Variants in SACS observed in about 807,000 individuals in gnomAD.
SACS encodes the protein sacsin.
SACS carries 197 observed loss-of-function variants against 348.0 expected under a neutral mutation model. The ratio of observed to expected loss-of-function variants is 0.57; its 90% CI spans 0.50 to 0.64. The LOEUF is 0.64. Ranked by LOEUF, SACS falls within the 30% of genes least tolerant of loss-of-function variation. The pLI, the probability that SACS is intolerant of heterozygous loss-of-function variation, is 0.00. For synonymous variants in SACS, 1,985 were observed against 1,910.6 expected, an observed-to-expected ratio of 1.04 and a Z score of -1.02; for missense variants, 4,999 against 5,360.8, an observed-to-expected ratio of 0.93 and a Z score of 2.11.
Position 23,368,428 on chromosome 13 carries a change from A to G in SACS, c.319T>C (p.Tyr107His). The stretch of plus-strand genomic sequence containing the variant: ...TTAAGAATCTGTCCTCCTTCTGGAT[A>G]TCTTCTCAAAATGTCCTTGAGAAAA... ...VDFLKDILRRYPEGGQILKEL... is the reference protein window; with the variant it reads ...VDFLKDILRRHPEGGQILKEL... Residue 107 changes from tyrosine to histidine, a missense_variant, in exon 5 of 10, where the codon TAT becomes CAT. Tyr to His is a moderately conservative substitution (Grantham distance 83). Transcript: ENST00000382292. 6.2e-7 allele frequency: 1 copy of G among 1,613,014 alleles called. No homozygotes were observed. Among genetic ancestry groups the G allele is most frequent in the Non-Finnish European group, 8.5e-7 (1 of 1,179,428 alleles).
At chr13:23,381,806 A>T (rs1266116032) in intron 2 of SACS, among the ~76,000 whole-genome samples, 1 of 152,220 alleles carries the variant, frequency 6.6e-6, no homozygotes, top group East Asian at 1.9e-4. Flanking sequence ...TCCCATTTCT[A>T]AATATTTGGA....
In SACS at chr13:23,332,724, C is replaced by G. The variant is rs750040557; in HGVS notation, c.11152G>C (p.Glu3718Gln). 7.4e-6 allele frequency: 12 copies of G among 1,614,034 alleles called. No homozygotes were observed. The highest frequency in any genetic ancestry group is 8.5e-6 in the Non-Finnish European group (10 of 1,179,952). Residue 3718 changes from glutamate to glutamine, a missense_variant, in exon 10 of 10, where the codon GAA becomes CAA. Transcript: ENST00000382292. Reference protein sequence around the residue: ...PEKATPLSIKEQEGSDLGPQE... With the variant: ...PEKATPLSIKQQEGSDLGPQE... ...GGACCAAGGTCACTACCTTCTTGTT[C>G]TTTAATGCTTAAGGGTGTAGCTTTC... is the stretch of plus-strand genomic sequence containing the variant.
Position 23,358,319 on chromosome 13 carries a change from A to C in SACS, c.604+16T>G, listed in dbSNP as rs377034809. 2 of 1,612,504 alleles carry C rather than the reference A, an allele frequency of 1.2e-6. No individual in the cohort carries two copies. Among genetic ancestry groups the C allele is most frequent in the African/African-American group, 2.7e-5 (2 of 74,920 alleles). On this transcript the variant is annotated intron_variant, in intron 7 of 9. Transcript: ENST00000382292. ...AATATTTTCTAATACCAAGACCGAA[A>C]AGCCTAATACTCTACCTGTTATATG...
At position 23,371,074 on chromosome 13, in the gene SACS, A is replaced by G. The variant is rs1180995398; in HGVS notation, c.259+4T>C. ...ATATACTTCTGGTAAAGTCAATATT[A>G]TACCTCCCCCTTTTAAGCCTTTTGA... On this transcript the variant is annotated splice_donor_region_variant and intron_variant, in intron 4 of 9. Coordinates refer to ENST00000382292, the MANE Select transcript of SACS (RefSeq NM_014363.6). 6.4e-7 allele frequency: 1 copy of G among 1,572,490 alleles called. No homozygotes were observed. The highest frequency in any genetic ancestry group is 8.7e-7 in the Non-Finnish European group (1 of 1,143,354).
chr13:23,421,448 A>G (rs1873935262), intron 1 of SACS, among the ~76,000 whole-genome samples: 1 of 152,020 alleles, frequency 6.6e-6, no homozygotes, highest in South Asian at 2.1e-4. Context: ...ATCCACCTCA[A>G]GCCTATTGTA....
chr13:23,383,001 T>C (rs572457898), intron 2 of SACS, among the ~76,000 whole-genome samples: 1 of 149,140 alleles, frequency 6.7e-6, no homozygotes, highest in East Asian at 2.0e-4. Context: ...GGTCTCACCA[T>C]GTCGCCCAGG....
intron 2 of SACS, among the ~76,000 whole-genome samples, chr13:23,398,431 G>T (rs1252835332): frequency 3.3e-5 from 5 of 151,244 alleles, no homozygotes; most frequent in African/African-American, 1.2e-4. Context: ...CTACTCGGGG[G>T]GCTGAGGCAG....
At chr13:23,350,739 C>T (rs570248145) in intron 9 of SACS, among the ~76,000 whole-genome samples, 1 of 152,174 alleles carries the variant, frequency 6.6e-6, no homozygotes, top group Non-Finnish European at 1.5e-5. Flanking sequence ...ATGCTCCCTA[C>T]CATATATGAA....
chr13:23,332,239 T>C lies in SACS; in HGVS notation c.11637A>G (p.Arg3879=). 6.2e-7 allele frequency: 1 copy of C among 1,613,960 alleles called. No homozygotes were observed. The highest frequency in any genetic ancestry group is 1.1e-5 in the South Asian group (1 of 91,072). Residue 3879 remains arginine (R), a synonymous_variant, in exon 10 of 10, where the codon AGA becomes AGG. Coordinates refer to ENST00000382292, the MANE Select transcript of SACS (RefSeq NM_014363.6). ...LDPNEMRTVK[R]VVSGLFRSLQ... ...GACTCCTGAACAGACCAGAAACTACTCTCTTAACTGTACGCATTTCATTAG... is the reference window on the plus strand; with the variant it reads ...GACTCCTGAACAGACCAGAAACTACCCTCTTAACTGTACGCATTTCATTAG...
chr13:23,346,092 C>T (rs1393337551), intron 9 of SACS, among the ~76,000 whole-genome samples: 4 of 152,142 alleles, frequency 2.6e-5, no homozygotes, highest in African/African-American at 4.8e-5. Context: ...GGTCGCCTAA[C>T]TTCACAGTCA....
chr13:23,399,822 C>A (rs553065708), intron 2 of SACS, among the ~76,000 whole-genome samples: 11 of 152,028 alleles, frequency 7.2e-5, no homozygotes, highest in Non-Finnish European at 1.5e-4. Flanking sequence ...CCCCCTCCAG[C>A]CAGGAAGATG....
Position 23,336,527 on chromosome 13 carries a change from T to G in SACS, c.7349A>C (p.Lys2450Thr). The part of the protein sequence containing the change: ...KQEFCEKNYG[K>T]ILLPDTNLML... ...AAGATTAGTATCTGGCAATAATATCTTGCCATAATTTTTCTCACAAAATTC... is the reference window on the plus strand; with the variant it reads ...AAGATTAGTATCTGGCAATAATATCGTGCCATAATTTTTCTCACAAAATTC... The change falls in exon 10 of 10, where the codon AAG (lysine) becomes ACG (threonine). Residue 2450 changes from lysine (K) to threonine (T), a missense_variant. Transcript: ENST00000382292. 6.2e-7 allele frequency: 1 copy of G among 1,613,950 alleles called. No homozygotes were observed. Among genetic ancestry groups the G allele is most frequent in the Non-Finnish European group, 8.5e-7 (1 of 1,179,886 alleles).
At chr13:23,375,567 C>G in intron 2 of SACS, 1 of 1,040,736 alleles carries the variant, frequency 9.6e-7, no homozygotes, top group South Asian at 4.6e-5. Context: ...CTGCGCGCTC[C>G]CGGCCCACTC....
At chr13:23,430,579 T>C (rs1305693262) in intron 1 of SACS, among the ~76,000 whole-genome samples, 1 of 152,226 alleles carries the variant, frequency 6.6e-6, no homozygotes, top group Non-Finnish European at 1.5e-5. Flanking sequence ...TAGTACTATG[T>C]GAAAATGTGC....
At chr13:23,423,354 T>C (rs904799388) in intron 1 of SACS, among the ~76,000 whole-genome samples, 5 of 152,174 alleles carry the variant, frequency 3.3e-5, no homozygotes, top group African/African-American at 9.7e-5. Flanking sequence ...AAACACACAT[T>C]TTTTAGAACC....
chr13:23,365,226 A>G lies in SACS; in HGVS notation c.397T>C (p.Tyr133His), dbSNP rs1566086239. 1 of 1,612,834 alleles carries G rather than the reference A, an allele frequency of 6.2e-7. No homozygotes were observed. Among genetic ancestry groups the G allele is most frequent in the East Asian group, 2.2e-5 (1 of 44,828 alleles). Reference protein sequence around the residue: ...DAGATEVKFLYDETQYGTETL... With the variant: ...DAGATEVKFLHDETQYGTETL... ...TCTGTTCCGTATTGAGTTTCATCAT[A>G]TAAAAATTTAACTTCTGTCGCCCCA... Residue 133 changes from tyrosine to histidine, a missense_variant, in exon 6 of 10, where the codon TAT (tyrosine) becomes CAT (histidine). Physicochemically the swap from Tyr to His is moderately conservative, Grantham distance 83. Transcript: ENST00000382292.
intron 2 of SACS, among the ~76,000 whole-genome samples, chr13:23,409,886 C>G (rs1162336582): frequency 1.3e-5 from 2 of 152,088 alleles, no homozygotes; most frequent in Non-Finnish European, 2.9e-5. Context: ...GCATAACCTG[C>G]TGGTTTTAGA....
rs948132710 is a variant in SACS at position 23,330,281 on chromosome 13, T to C, written c.13595A>G (p.Asp4532Gly). 4 of 1,614,108 alleles carry C rather than the reference T, an allele frequency of 2.5e-6. No individual in the cohort carries two copies. In the African/African-American group the frequency reaches 5.3e-5, roughly 22 times the overall value. The change falls in exon 10 of 10, where the codon GAC becomes GGC. Residue 4532 changes from aspartate (D) to glycine (G), a missense_variant. Physicochemically the swap from Asp to Gly is moderately conservative, Grantham distance 94. Transcript: ENST00000382292. ...ATCAGGGTATCTTGTTTTTAAACTGTCTACACCATAAGCTTCCAATGTGTG... is the reference window on the plus strand; with the variant it reads ...ATCAGGGTATCTTGTTTTTAAACTGCCTACACCATAAGCTTCCAATGTGTG... Reference protein sequence around the residue: ...DVHTLEAYGVDSLKTRYPDLL... With the variant: ...DVHTLEAYGVGSLKTRYPDLL...
chr13:23,420,541 T>C (rs1179891423), intron 1 of SACS, among the ~76,000 whole-genome samples: 1 of 152,014 alleles, frequency 6.6e-6, no homozygotes, highest in African/African-American at 2.4e-5. Flanking sequence ...AATGTCCACC[T>C]GTGGCCCAAT....
Sources: gnomAD v4.1 joint callset for allele counts (sites outside exome capture counted in the v4.1 genomes callset) on GRCh38, gnomAD v4.1.1 for gene constraint, MANE v1.5 for transcripts, NCBI Gene and HGNC (gene_info 2026-07-23, HGNC 2026-07-21) for gene names.